CDKN2B-AS1: variants seen among roughly 807,000 people sequenced by gnomAD.
CDKN2B-AS1 encodes the protein CDKN2B antisense RNA 1 (non-protein coding).
intron 1 of CDKN2B-AS1, among the ~76,000 whole-genome samples, chr9:22,008,513 TTCCTTTTC>T (rs1368574245): frequency 6.6e-6 from 1 of 152,154 alleles, no homozygotes; most frequent in South Asian, 2.1e-4. Context: ...TAAATAAGCT[TTCCTTTTC>T]TCCTTTTCTC....
At chr9:22,026,146 G>C (rs1822228785) in intron 1 of CDKN2B-AS1, among the ~76,000 whole-genome samples, 1 of 151,844 alleles carries the variant, frequency 6.6e-6, no homozygotes, top group Admixed American at 6.6e-5. Context: ...GTTCTGTGCT[G>C]GGGTTCCCCT....
At position 22,069,547 on chromosome 9, in the gene CDKN2B-AS1, T is replaced by C. The variant is rs1347321458; in HGVS notation, n.438+13160T>C. On this transcript the variant is annotated intron_variant and non_coding_transcript_variant, in intron 4 of 4. Transcript: ENST00000650946. Reference sequence around the variant, plus strand: ...TTTATTTATTTAATAGACATTATAGTTACACATAATTATGGGATACAATTT... The same window carrying C: ...TTTATTTATTTAATAGACATTATAGCTACACATAATTATGGGATACAATTT... Among the ~76,000 whole-genome samples, 5 of 152,316 alleles carry C rather than the reference T, an allele frequency of 3.3e-5. No individual in the cohort carries two copies. In the East Asian group the frequency reaches 9.6e-4, roughly 29 times the overall value.
intron 4 of CDKN2B-AS1, among the ~76,000 whole-genome samples, chr9:22,069,976 A>G (rs544977800): frequency 6.6e-6 from 1 of 152,004 alleles, no homozygotes; most frequent in Admixed American, 6.6e-5. Flanking sequence ...GATTCTTTCT[A>G]TTTTTTGGGA....
At chr9:22,102,398 T>C (rs1825516296) in intron 4 of CDKN2B-AS1, among the ~76,000 whole-genome samples, 1 of 152,198 alleles carries the variant, frequency 6.6e-6, no homozygotes, top group Non-Finnish European at 1.5e-5. Flanking sequence ...ACTTGATGGC[T>C]TTATAACAAC....
At chr9:22,083,029 A>G (rs1310107767) in intron 4 of CDKN2B-AS1, among the ~76,000 whole-genome samples, 6 of 152,202 alleles carry the variant, frequency 3.9e-5, no homozygotes, top group Non-Finnish European at 2.9e-5. Context: ...TGTAACATGA[A>G]TTACATGATT....
At chr9:22,097,101 C>T (rs1323931582) in intron 4 of CDKN2B-AS1, among the ~76,000 whole-genome samples, 1 of 152,162 alleles carries the variant, frequency 6.6e-6, no homozygotes. Flanking sequence ...GTCCTCTTCA[C>T]CAGCCCATTC....
At chr9:22,095,371 GGTAGTTCAGTTTCCAT>G (rs1457802607) in intron 4 of CDKN2B-AS1, among the ~76,000 whole-genome samples, 1 of 144,546 alleles carries the variant, frequency 6.9e-6, no homozygotes, top group East Asian at 2.0e-4. Context: ...TTCAGGAGTG[GGTAGTTCAGTTTCCAT>G]GTAGGTGAGC....
intron 4 of CDKN2B-AS1, among the ~76,000 whole-genome samples, chr9:22,079,430 G>A (rs1255469490): frequency 6.6e-6 from 1 of 151,158 alleles, no homozygotes; most frequent in South Asian, 2.1e-4. Context: ...GGAGGTTACA[G>A]TAAGCCGAGA....
At chr9:22,087,454 G>A (rs1285167103) in intron 4 of CDKN2B-AS1, among the ~76,000 whole-genome samples, 1 of 152,168 alleles carries the variant, frequency 6.6e-6, no homozygotes, top group Non-Finnish European at 1.5e-5. Flanking sequence ...GTTTTTTAAA[G>A]ATGCTTTTAG....
At chr9:22,077,046 TC>T (rs1824522831) in intron 4 of CDKN2B-AS1, among the ~76,000 whole-genome samples, 3 of 152,216 alleles carry the variant, frequency 2.0e-5, no homozygotes, top group Admixed American at 2.0e-4. Context: ...GACTTGTTCA[TC>T]CTACATATTT....
intron 4 of CDKN2B-AS1, among the ~76,000 whole-genome samples, chr9:22,127,036 CA>C (rs1284196795): frequency 6.6e-6 from 1 of 152,166 alleles, no homozygotes; most frequent in East Asian, 1.9e-4. Context: ...TGTTGTTTGA[CA>C]TATGACCAAT....
intron 4 of CDKN2B-AS1, among the ~76,000 whole-genome samples, chr9:22,069,887 C>T (rs751248909): frequency 6.6e-6 from 1 of 151,950 alleles, no homozygotes; most frequent in South Asian, 2.1e-4. Flanking sequence ...TTTCTTTTTG[C>T]AGAGTTCGCT....
intron 4 of CDKN2B-AS1, among the ~76,000 whole-genome samples, chr9:22,115,952 A>T (rs1563990901): frequency 6.6e-6 from 1 of 152,126 alleles, no homozygotes; most frequent in Non-Finnish European, 1.5e-5. Context: ...TCCTGTTCGG[A>T]TCCCTTCAGC....
chr9:22,097,471 A>AT (rs1825322950), intron 4 of CDKN2B-AS1: 1 of 152,244 alleles, frequency 6.6e-6, no homozygotes, highest in East Asian at 1.9e-4. Context: ...ACATTTTGCC[A>AT]AACCTTTGTG....
intron 1 of CDKN2B-AS1, among the ~76,000 whole-genome samples, chr9:22,042,458 A>G (rs1048148966): frequency 6.6e-6 from 1 of 152,120 alleles, no homozygotes; most frequent in Non-Finnish European, 1.5e-5. Context: ...TTAAAAGAGG[A>G]TGGCATAGAA....
At chr9:22,099,822 A>G (rs1249862418) in intron 4 of CDKN2B-AS1, among the ~76,000 whole-genome samples, 2 of 152,206 alleles carry the variant, frequency 1.3e-5, no homozygotes, top group Non-Finnish European at 2.9e-5. Context: ...ATAGATGCAC[A>G]TGTATGTATT....
intron 1 of CDKN2B-AS1, among the ~76,000 whole-genome samples, chr9:22,017,370 G>C (rs1363888137): frequency 6.6e-6 from 1 of 152,150 alleles, no homozygotes; most frequent in Non-Finnish European, 1.5e-5. Context: ...TGCCTATATG[G>C]GTTATCTACC....
At chr9:22,015,507 T>A (rs988250980) in intron 1 of CDKN2B-AS1, among the ~76,000 whole-genome samples, 1 of 152,136 alleles carries the variant, frequency 6.6e-6, no homozygotes, top group African/African-American at 2.4e-5. Flanking sequence ...CAAATAATCT[T>A]GTTTGAATTT....
chr9:22,008,630 G>A lies in CDKN2B-AS1; in HGVS notation n.29+13469G>A, dbSNP rs749602918. ...GTGGGTTTTTCAATGTCTCTCTTTA[G>A]GATTTTTGCTGGGTAAAAGCCTGTT... On this transcript the variant is annotated intron_variant and non_coding_transcript_variant, in intron 1 of 4. Coordinates refer to ENST00000650946, the Ensembl canonical transcript of CDKN2B-AS1. 4 of 1,585,656 alleles carry A rather than the reference G, an allele frequency of 2.5e-6. No individual in the cohort carries two copies. The Admixed American group carries it at 5.2e-5, about 21-fold the overall frequency.
Sources: gnomAD v4.1 joint callset for allele counts (sites outside exome capture counted in the v4.1 genomes callset) on GRCh38, gnomAD v4.1.1 for gene constraint, MANE v1.5 for transcripts, NCBI Gene and HGNC (gene_info 2026-07-23, HGNC 2026-07-21) for gene names.